Variants in TTC28 observed in about 807,000 individuals in gnomAD.
TTC28 encodes the protein tetratricopeptide repeat domain 28.
TTC28 carries 61 observed loss-of-function variants against 198.0 expected under a neutral mutation model. The ratio of observed to expected loss-of-function variants is 0.31; its 90% CI spans 0.25 to 0.38. TTC28 has a LOEUF of 0.38. TTC28 is among the 10% of genes least tolerant of loss of function. The pLI, the probability that TTC28 is intolerant of heterozygous loss-of-function variation, is 1.00. For synonymous variants in TTC28, 1,171 were observed against 1,297.8 expected, an observed-to-expected ratio of 0.90 and a Z score of 2.10; for missense variants, 2,678 against 3,164.0, an observed-to-expected ratio of 0.85 and a Z score of 3.69.
intron 6 of TTC28, among the ~76,000 whole-genome samples, chr22:28,120,982 G>A (rs935548105): frequency 1.3e-5 from 2 of 152,188 alleles, no homozygotes; most frequent in Admixed American, 6.5e-5. Flanking sequence ...TGGGCTTTTG[G>A]TTAGGGCAAT....
chr22:28,268,133 G>A (rs1569230529), intron 5 of TTC28, among the ~76,000 whole-genome samples: 1 of 152,164 alleles, frequency 6.6e-6, no homozygotes. Flanking sequence ...AGCCTTACTG[G>A]AGAGTTTACT....
intron 2 of TTC28, among the ~76,000 whole-genome samples, chr22:28,361,919 A>G (rs2046165107): frequency 6.6e-6 from 1 of 152,230 alleles, no homozygotes. Flanking sequence ...CTCTGTTTAC[A>G]GCATAGTTTA....
chr22:28,028,138 G>A (rs975812513), intron 13 of TTC28, among the ~76,000 whole-genome samples: 5 of 152,192 alleles, frequency 3.3e-5, no homozygotes, highest in Non-Finnish European at 5.9e-5. Flanking sequence ...CCAAAGGGTC[G>A]GGGTTGGAAG....
intron 10 of TTC28, among the ~76,000 whole-genome samples, chr22:28,096,901 T>C (rs1458315459): frequency 2.0e-5 from 3 of 151,624 alleles, no homozygotes; most frequent in African/African-American, 7.3e-5. Flanking sequence ...GCCCCCTGGG[T>C]TCAAGCGATT....
At chr22:28,019,969 C>T (rs1404877070) in intron 13 of TTC28, among the ~76,000 whole-genome samples, 2 of 152,252 alleles carry the variant, frequency 1.3e-5, no homozygotes, top group African/African-American at 4.8e-5. Flanking sequence ...GCGGCCTCAC[C>T]GGCTCAGGGC....
intron 6 of TTC28, among the ~76,000 whole-genome samples, chr22:28,155,465 C>T (rs935880136): frequency 6.6e-6 from 1 of 152,046 alleles, no homozygotes; most frequent in Non-Finnish European, 1.5e-5. Flanking sequence ...ATACAACTAC[C>T]TATAATTTAT....
At chr22:28,438,922 G>A (rs1357712990) in intron 2 of TTC28, among the ~76,000 whole-genome samples, 1 of 152,174 alleles carries the variant, frequency 6.6e-6, no homozygotes, top group South Asian at 2.1e-4. Context: ...CTTTCACTGA[G>A]ATTTTGCCGA....
intron 2 of TTC28, among the ~76,000 whole-genome samples, chr22:28,312,502 A>G (rs1288316375): frequency 6.6e-6 from 1 of 152,222 alleles, no homozygotes; most frequent in East Asian, 1.9e-4. Context: ...AGAAATCACA[A>G]CAAACTGTCT....
At chr22:28,060,659 G>A (rs934586813) in intron 12 of TTC28, among the ~76,000 whole-genome samples, 1 of 152,174 alleles carries the variant, frequency 6.6e-6, no homozygotes, top group African/African-American at 2.4e-5. Flanking sequence ...CTACATCCTT[G>A]AGGAATCGCC....
At chr22:28,160,000 A>C (rs1056907637) in intron 6 of TTC28, among the ~76,000 whole-genome samples, 1 of 152,208 alleles carries the variant, frequency 6.6e-6, no homozygotes, top group Non-Finnish European at 1.5e-5. Context: ...TGGGATCTAA[A>C]AATCAAAACA....
chr22:28,131,528 A>T (rs1473106373), intron 6 of TTC28, among the ~76,000 whole-genome samples: 2 of 152,204 alleles, frequency 1.3e-5, no homozygotes, highest in African/African-American at 4.8e-5. Context: ...CAGCATCTCA[A>T]GAGCATATCA....
intron 5 of TTC28, among the ~76,000 whole-genome samples, chr22:28,163,821 G>A (rs906183800): frequency 1.1e-4 from 17 of 152,186 alleles, no homozygotes; most frequent in Non-Finnish European, 1.6e-4. Context: ...GCAGCGCACC[G>A]TGCATGAGCT....
chr22:28,308,313 A>G (rs2045185148), intron 2 of TTC28, among the ~76,000 whole-genome samples: 1 of 152,244 alleles, frequency 6.6e-6, no homozygotes, highest in Non-Finnish European at 1.5e-5. Context: ...CCAACTAAAA[A>G]TAACTATAGT....
intron 13 of TTC28, among the ~76,000 whole-genome samples, chr22:28,021,700 G>A (rs1047335420): frequency 6.6e-6 from 1 of 152,130 alleles, no homozygotes; most frequent in Admixed American, 6.5e-5. Flanking sequence ...CGAGGCCTCT[G>A]GGAGTGTCTT....
intron 2 of TTC28, among the ~76,000 whole-genome samples, chr22:28,562,161 A>G (rs992613371): frequency 2.6e-5 from 4 of 152,310 alleles, no homozygotes; most frequent in South Asian, 2.1e-4. Context: ...AGTAATGAGG[A>G]AAAAAATTGC....
At chr22:28,628,147 C>G (rs1157297355) in intron 2 of TTC28, among the ~76,000 whole-genome samples, 1 of 152,130 alleles carries the variant, frequency 6.6e-6, no homozygotes, top group Non-Finnish European at 1.5e-5. Flanking sequence ...CCTCCCACCT[C>G]AGCCTCCCAA....
chr22:28,638,157 C>G (rs1470260079), intron 1 of TTC28, among the ~76,000 whole-genome samples: 2 of 151,988 alleles, frequency 1.3e-5, no homozygotes, highest in Non-Finnish European at 2.9e-5. Context: ...CAGACAGAAA[C>G]CAATACAGAA....
intron 5 of TTC28, among the ~76,000 whole-genome samples, chr22:28,281,412 A>G (rs1037869077): frequency 2.0e-5 from 3 of 151,876 alleles, no homozygotes; most frequent in Non-Finnish European, 2.9e-5. Flanking sequence ...TTGATTTTAA[A>G]TATTATATTT....
Position 28,219,010 on chromosome 22 carries a change from G to A in TTC28, c.934-55411C>T, listed in dbSNP as rs972088434. Among the ~76,000 whole-genome samples, 5 of 151,616 alleles carry A rather than the reference G, an allele frequency of 3.3e-5. 1 individual carries two copies. In the Middle Eastern group the frequency reaches 0.01, roughly 312 times the overall value. ...TTAGTATTATTATGAAAATAGTTGTGACCTCATGGATTCCCTGAAAGGATC... is the reference window on the plus strand; with the variant it reads ...TTAGTATTATTATGAAAATAGTTGTAACCTCATGGATTCCCTGAAAGGATC... On this transcript the variant is annotated intron_variant, in intron 5 of 22. Transcript: ENST00000397906.
Sources: allele counts gnomAD v4.1 joint callset (sites outside exome capture counted in the v4.1 genomes callset), GRCh38; gene constraint gnomAD v4.1.1; transcripts MANE v1.5; gene names NCBI Gene and HGNC (gene_info 2026-07-23, HGNC 2026-07-21).